NUP210: variants seen among roughly 807,000 people sequenced by gnomAD.
NUP210 encodes the protein nuclear pore membrane glycoprotein 210.
In NUP210, 151 loss-of-function variants were observed where a neutral mutation model predicts 196.0. The observed-to-expected ratio is 0.77, with a 90% CI of 0.67 to 0.88. The LOEUF (loss-of-function observed/expected upper bound fraction) is 0.88. NUP210 is among the 40% of genes least tolerant of loss of function. NUP210 has a pLI of 0.00. For missense variants in NUP210, 2,314 were observed against 2,493.7 expected (o/e 0.93, Z 1.53); for synonymous variants, 1,070 against 1,052.7 (o/e 1.02, Z -0.32).
intron 27 of NUP210, 93 bp from the exon 28 acceptor site, chr3:13,335,705 C>T: frequency 1.4e-6 from 2 of 1,383,916 alleles, no homozygotes; most frequent in Non-Finnish European, 2.0e-6. Flanking sequence ...GACCCCCCAG[C>T]CCCCCAGTCC....
intron 5 of NUP210, among the ~76,000 whole-genome samples, chr3:13,387,123 C>CT (rs1305320292): frequency 2.0e-5 from 3 of 152,270 alleles, no homozygotes; most frequent in Admixed American, 6.5e-5. Flanking sequence ...GACTGCCCTC[C>CT]TGTGGGTGTG....
At chr3:13,339,446 G>A (rs762035385) in intron 25 of NUP210, among the ~76,000 whole-genome samples, 4 of 152,228 alleles carry the variant, frequency 2.6e-5, no homozygotes, top group Non-Finnish European at 4.4e-5. Context: ...AGTCACTGCT[G>A]GCGAAGGAGG....
At chr3:13,365,915 G>A (rs944511630) in intron 14 of NUP210, 31 bp downstream of exon 14, 2 of 1,612,526 alleles carry the variant, frequency 1.2e-6, no homozygotes, top group East Asian at 4.5e-5. Context: ...AGTGGGCAGG[G>A]GGGTGGTAAA....
At chr3:13,353,424 G>T in intron 18 of NUP210, 130 bp downstream of exon 18, 1 of 732,902 alleles carries the variant, frequency 1.4e-6, no homozygotes, top group Admixed American at 2.1e-5. Context: ...CCTCCAAGAG[G>T]CTGGGGTGGG....
rs376376578 is a variant in NUP210, at chr3:13,420,165, G to A, written c.62C>T (p.Pro21Leu). Residue 21 changes from proline to leucine, a missense_variant, in exon 1 of 40, where the codon CCC becomes CTC. By Grantham distance (98) the Pro-to-Leu change is moderately conservative. Coordinates refer to ENST00000254508, the MANE Select transcript of NUP210 (RefSeq NM_024923.4). The surrounding 1 kb of genome is among the most constrained non-coding windows in gnomAD (Gnocchi z 4.8). ...LTLSVLLAAG[P>L]SAAAAKLNIP... ...GTTGAGCTTGGCCGCAGCGGCGGAGGGGCCCGCCGCCAACAGCACCGACAG... is the reference window on the plus strand; with the variant it reads ...GTTGAGCTTGGCCGCAGCGGCGGAGAGGCCCGCCGCCAACAGCACCGACAG... 1.4e-5 allele frequency: 18 copies of A among 1,282,258 alleles called. No individual in the cohort carries two copies. Among genetic ancestry groups the A allele is most frequent in the East Asian group, 3.5e-5 (1 of 28,464 alleles). The allele number at this position is 1,282,258 out of a possible 1,614,324, so 79.4% of individuals were successfully genotyped here. A position where few individuals can be genotyped will look rare whatever the true frequency, so the allele number is the denominator to read the frequency against.
intron 13 of NUP210, 82 bp downstream of exon 13, chr3:13,371,752 G>T: frequency 7.7e-7 from 1 of 1,305,786 alleles, no homozygotes. Context: ...CTCTCTTTGG[G>T]AATCTGGCGG....
intron 16 of NUP210, among the ~76,000 whole-genome samples, chr3:13,358,015 A>G (rs1698240815): frequency 6.6e-6 from 1 of 152,218 alleles, no homozygotes; most frequent in African/African-American, 2.4e-5. Flanking sequence ...TGACTTTGGT[A>G]TGTCTCTCAC....
Position 13,335,579 on chromosome 3 carries a change from C to G in NUP210, c.3718G>C (p.Ala1240Pro). ...SIRLPSQYNFAMNVLGRVKGR... is the reference protein window; with the variant it reads ...SIRLPSQYNFPMNVLGRVKGR... Reference sequence around the variant, plus strand: ...TTTACCCGGCCGAGCACGTTCATGGCAAAGTTGTACTGTGACGGGAGTCGG... The same window carrying G: ...TTTACCCGGCCGAGCACGTTCATGGGAAAGTTGTACTGTGACGGGAGTCGG... The change falls in exon 28 of 40, where the codon GCC (alanine) becomes CCC (proline). Residue 1240 changes from alanine to proline, a missense_variant. Physicochemically the swap from Ala to Pro is conservative, Grantham distance 27 (BLOSUM62 -1). Transcript: ENST00000254508. 6.2e-7 allele frequency: 1 copy of G among 1,614,108 alleles called. No homozygotes were observed. Among genetic ancestry groups the G allele is most frequent in the Non-Finnish European group, 8.5e-7 (1 of 1,180,028 alleles).
intron 1 of NUP210, among the ~76,000 whole-genome samples, chr3:13,403,977 C>A (rs181381454): frequency 6.6e-6 from 1 of 152,338 alleles, no homozygotes; most frequent in Non-Finnish European, 1.5e-5. Flanking sequence ...TCCCCTGGGG[C>A]CTGCTCTCTC....
At chr3:13,337,053 T>G in intron 26 of NUP210, 135 bp from the exon 27 acceptor site, 6 of 1,099,974 alleles carry the variant, frequency 5.5e-6, no homozygotes, top group Non-Finnish European at 7.9e-6. Context: ...TGGCACAGGT[T>G]TGGGAATTTT....
intron 39 of NUP210, 58 bp from the exon 40 acceptor site, chr3:13,317,839 C>A: frequency 8.2e-7 from 1 of 1,214,048 alleles, no homozygotes; most frequent in South Asian, 1.4e-5. Context: ...GCGCACTCTT[C>A]AGTTACAGCC....
At chr3:13,349,113 C>T (rs147240371) in intron 20 of NUP210, among the ~76,000 whole-genome samples, 180 of 132,184 alleles carry the variant, frequency 1.4e-3, no homozygotes, top group Admixed American at 2.7e-3. Context: ...CCAAGGGCAA[C>T]AGCAAATGAA....
intron 4 of NUP210, 137 bp downstream of exon 4, chr3:13,391,074 G>C: frequency 1.5e-6 from 1 of 650,126 alleles, no homozygotes. Context: ...CAGACACTCG[G>C]AATGTTACGG....
intron 31 of NUP210, among the ~76,000 whole-genome samples, chr3:13,327,939 G>A (rs1696838727): frequency 6.6e-6 from 1 of 152,208 alleles, no homozygotes; most frequent in Admixed American, 6.5e-5. Flanking sequence ...CCTGCCACAG[G>A]GCAGGTGCTC....
intron 20 of NUP210, among the ~76,000 whole-genome samples, chr3:13,349,811 C>T (rs1350077477): frequency 1.3e-5 from 2 of 152,172 alleles, no homozygotes; most frequent in Admixed American, 6.5e-5. Flanking sequence ...TGGGAGGTGA[C>T]GGAGAGCCTG....
At position 13,340,710 on chromosome 3, in the gene NUP210, CA is replaced by C. The variant is rs1164454857; in HGVS notation, c.3229-413del. On this transcript the variant is annotated intron_variant, in intron 23 of 39. Coordinates refer to ENST00000254508, the MANE Select transcript of NUP210 (RefSeq NM_024923.4). The surrounding 1 kb of genome is among the most constrained non-coding windows in gnomAD (Gnocchi z 4.0). ...GCCCCAGCCACCTGGCCTGTGGAGC[CA>C]GGGGTGGCCCCACAGGACAGCCCTG... Among the ~76,000 whole-genome samples, 2 of 152,124 alleles carry C rather than the reference CA, an allele frequency of 1.3e-5. No individual in the cohort carries two copies. Among genetic ancestry groups the C allele is most frequent in the African/African-American group, 4.8e-5 (2 of 41,430 alleles).
intron 11 of NUP210, 83 bp from the exon 12 acceptor site, chr3:13,373,956 G>A (rs1576395369): frequency 6.3e-6 from 9 of 1,432,828 alleles, no homozygotes; most frequent in African/African-American, 1.4e-5. Context: ...ACGTGCGTGT[G>A]CATGCACGTA....
intron 13 of NUP210, among the ~76,000 whole-genome samples, chr3:13,368,375 C>A (rs1698612882): frequency 6.6e-6 from 1 of 152,102 alleles, no homozygotes; most frequent in Non-Finnish European, 1.5e-5. Context: ...CCGTGCCCAG[C>A]CTAAAATTTT....
chr3:13,339,760 G>T, intron 25 of NUP210, 94 bp downstream of exon 25: 3 of 1,170,136 alleles, frequency 2.6e-6, no homozygotes, highest in Non-Finnish European at 2.5e-6. Flanking sequence ...CAGCACCCTT[G>T]GAGAGGGGTG....
Sources: allele counts gnomAD v4.1 joint callset (sites outside exome capture counted in the v4.1 genomes callset), GRCh38; gene constraint gnomAD v4.1.1; non-coding constraint Gnocchi (gnomAD v3.1); transcripts MANE v1.5; gene names NCBI Gene and HGNC (gene_info 2026-07-23, HGNC 2026-07-21).